Variants in FBXW11 observed in about 807,000 individuals in gnomAD.
FBXW11 encodes F-box/WD repeat-containing protein 11.
In FBXW11, 19 loss-of-function variants were observed where a neutral mutation model predicts 77.6. That is an observed-to-expected ratio of 0.24 (90% CI 0.17 to 0.36). The LOEUF is 0.36. FBXW11 is among the 10% of genes least tolerant of loss of function. The probability of loss-of-function intolerance (pLI) is 1.00; values close to 1 mark genes in which losing one functional copy is unlikely to be tolerated. For synonymous variants in FBXW11, 235 were observed against 249.4 expected (o/e 0.94, Z 0.54); for missense variants, 334 against 704.2 (o/e 0.47, Z 5.95).
chr5:171,874,412 A>G (rs1374499620), intron 9 of FBXW11, among the ~76,000 whole-genome samples: 5 of 152,218 alleles, frequency 3.3e-5, no homozygotes, highest in African/African-American at 1.2e-4. Context: ...ATTATGAAAC[A>G]GCTATTTTGT....
Position 171,893,048 on chromosome 5 carries a change from A to G in FBXW11, c.715-1444T>C, listed in dbSNP as rs985727530. Among the ~76,000 whole-genome samples the G allele has an allele frequency of 3.3e-5, 5 of 152,072 alleles. No individual in the cohort carries two copies. The East Asian group carries it at 7.7e-4, about 23-fold the overall frequency. On this transcript the variant is annotated intron_variant, in intron 6 of 13. Coordinates refer to ENST00000517395, the MANE Select transcript of FBXW11 (RefSeq NM_001378974.1). The stretch of plus-strand genomic sequence containing the variant: ...TTTCTAACACTATACCACTCACTTT[A>G]TATGTTTTGTAGCTAATTTAATCGT...
chr5:171,899,965 C>A lies in FBXW11; in HGVS notation c.572G>T (p.Arg191Leu). Residue 191 changes from arginine (R) to leucine (L), a missense_variant, in exon 5 of 14, where the codon CGA (arginine) becomes CTA (leucine). Arg to Leu is a moderately radical substitution (Grantham distance 102, BLOSUM62 -2). Coordinates refer to ENST00000517395, the MANE Select transcript of FBXW11 (RefSeq NM_001378974.1). The part of the protein sequence containing the change: ...EGMLWKKLIE[R>L]MVRTDPLWKG... The stretch of plus-strand genomic sequence containing the variant: ...CCATAGGGGATCAGTGCGTACCATT[C>A]GTTCAATCAGCTTCTTCCAAAGCAT... 6.2e-7 allele frequency: 1 copy of A among 1,613,792 alleles called. No individual in the cohort carries two copies. The highest frequency in any genetic ancestry group is 8.5e-7 in the Non-Finnish European group (1 of 1,179,766).
At chr5:171,949,104 T>C (rs1763174435) in intron 2 of FBXW11, among the ~76,000 whole-genome samples, 1 of 152,250 alleles carries the variant, frequency 6.6e-6, no homozygotes, top group African/African-American at 2.4e-5. Flanking sequence ...ACACTAAACT[T>C]TCAAAGTCCA....
rs542542811 is a variant in FBXW11 at position 171,923,111 on chromosome 5, G to A, written c.148-8706C>T. On this transcript the variant is annotated intron_variant, in intron 2 of 13. Coordinates refer to ENST00000517395, the MANE Select transcript of FBXW11 (RefSeq NM_001378974.1). ...GTATTTTTAATAGAGATGGGGTTTC[G>A]TCATGTTGGCCAGGCTAGTCTCGAA... Among the ~76,000 whole-genome samples, 30 of 152,114 alleles carry A rather than the reference G, an allele frequency of 2.0e-4. 1 individual carries two copies. In the South Asian group the frequency reaches 2.9e-3, roughly 15 times the overall value.
intron 1 of FBXW11, among the ~76,000 whole-genome samples, chr5:171,958,854 A>G (rs1285929359): frequency 6.6e-6 from 1 of 152,178 alleles, no homozygotes; most frequent in Non-Finnish European, 1.5e-5. Context: ...CCAAGCTCAT[A>G]AACTTGTTTG....
intron 1 of FBXW11, among the ~76,000 whole-genome samples, chr5:171,969,607 A>G (rs2113408814): frequency 6.6e-6 from 1 of 152,374 alleles, no homozygotes; most frequent in African/African-American, 2.4e-5. Flanking sequence ...CTGGTTTGCT[A>G]AACGGAAAAA....
chr5:171,967,903 C>CACACACACAG (rs1764307602), intron 1 of FBXW11, among the ~76,000 whole-genome samples: 2 of 150,100 alleles, frequency 1.3e-5, no homozygotes, highest in African/African-American at 5.0e-5. Context: ...CACACACACA[C>CACACACACAG]ACACACACAC....
intron 2 of FBXW11, among the ~76,000 whole-genome samples, chr5:171,939,696 C>CAAAAAAA (rs58051402): frequency 4.0e-4 from 32 of 79,834 alleles, no homozygotes; most frequent in South Asian, 9.9e-4. Context: ...GACCCTGTCT[C>CAAAAAAA]AAAAAAAAAA....
At chr5:171,892,478 T>C (rs912796112) in intron 6 of FBXW11, among the ~76,000 whole-genome samples, 2 of 152,192 alleles carry the variant, frequency 1.3e-5, no homozygotes, top group South Asian at 4.1e-4. Flanking sequence ...GCTACTAACA[T>C]ATTCAATGCC....
chr5:171,932,040 A>T (rs773469172), intron 2 of FBXW11, among the ~76,000 whole-genome samples: 1 of 151,824 alleles, frequency 6.6e-6, no homozygotes, highest in Non-Finnish European at 1.5e-5. Flanking sequence ...ATACGTGGCT[A>T]ATTTTTGTAT....
At chr5:171,952,985 T>C (rs1001471342) in intron 2 of FBXW11, among the ~76,000 whole-genome samples, 1 of 151,970 alleles carries the variant, frequency 6.6e-6, no homozygotes, top group Non-Finnish European at 1.5e-5. Flanking sequence ...ACCCCTGTTT[T>C]AGAGACAAGG....
At chr5:171,994,607 A>AT (rs1254001766) in intron 1 of FBXW11, among the ~76,000 whole-genome samples, 1 of 152,244 alleles carries the variant, frequency 6.6e-6, no homozygotes, top group African/African-American at 2.4e-5. Flanking sequence ...CTGTATAAGG[A>AT]TAAAAAAAAG....
intron 13 of FBXW11, among the ~76,000 whole-genome samples, chr5:171,867,308 G>T (rs1757462352): frequency 6.6e-6 from 1 of 152,082 alleles, no homozygotes; most frequent in African/African-American, 2.4e-5. Flanking sequence ...AATACATAAA[G>T]GAATGAGCAT....
chr5:172,006,370 A>T, intron 1 of FBXW11, 88 bp downstream of exon 1: 1 of 1,233,718 alleles, frequency 8.1e-7, no homozygotes, highest in Non-Finnish European at 1.1e-6. Flanking sequence ...GAAGGGCCAG[A>T]GCCGGCCTCG....
intron 9 of FBXW11, among the ~76,000 whole-genome samples, chr5:171,874,897 G>GA (rs1458672248): frequency 6.6e-6 from 1 of 151,276 alleles, no homozygotes; most frequent in African/African-American, 2.4e-5. Context: ...AGCGAACCAT[G>GA]ACTGTGTTAC....
intron 1 of FBXW11, among the ~76,000 whole-genome samples, chr5:172,003,666 G>A (rs1766553584): frequency 6.6e-6 from 1 of 152,186 alleles, no homozygotes; most frequent in African/African-American, 2.4e-5. Context: ...AGGAGGAGAA[G>A]CAACCTGGGT....
intron 7 of FBXW11, among the ~76,000 whole-genome samples, chr5:171,881,248 T>C (rs1469361779): frequency 6.6e-6 from 1 of 152,204 alleles, no homozygotes; most frequent in Non-Finnish European, 1.5e-5. Context: ...TAATACAATG[T>C]TGAAACATAG....
At chr5:172,005,424 G>A (rs1007066967) in intron 1 of FBXW11, among the ~76,000 whole-genome samples, 16 of 152,154 alleles carry the variant, frequency 1.1e-4, no homozygotes, top group Admixed American at 8.5e-4. Flanking sequence ...CACGTTGGCA[G>A]GTAATATCTG....
intron 2 of FBXW11, among the ~76,000 whole-genome samples, chr5:171,916,657 G>C (rs1761274688): frequency 6.6e-6 from 1 of 152,192 alleles, no homozygotes; most frequent in Non-Finnish European, 1.5e-5. Context: ...AATAAAGAAA[G>C]GGGGAGCAGT....
Sources: allele counts gnomAD v4.1 joint callset (sites outside exome capture counted in the v4.1 genomes callset), GRCh38; gene constraint gnomAD v4.1.1; transcripts MANE v1.5; gene names NCBI Gene and HGNC (gene_info 2026-07-23, HGNC 2026-07-21).